Variants in DNMT3B observed in about 807,000 individuals in gnomAD.
The protein encoded by DNMT3B is DNA methyltransferase 3 beta.
DNMT3B carries 37 observed loss-of-function variants against 120.2 expected under a neutral mutation model. That is an observed-to-expected ratio of 0.31 (90% CI 0.24 to 0.40). The LOEUF is 0.40. DNMT3B is among the 10% of genes least tolerant of loss of function. The probability of loss-of-function intolerance (pLI) is 1.00; values close to 1 mark genes in which losing one functional copy is unlikely to be tolerated. For synonymous variants in DNMT3B, 412 were observed against 442.8 expected, an observed-to-expected ratio of 0.93 and a Z score of 0.87; for missense variants, 878 against 1,137.3, an observed-to-expected ratio of 0.77 and a Z score of 3.28.
At chr20:32,769,157 T>C (rs1987565040) in intron 1 of DNMT3B, among the ~76,000 whole-genome samples, 1 of 151,940 alleles carries the variant, frequency 6.6e-6, no homozygotes, top group African/African-American at 2.4e-5. Flanking sequence ...AGATCTCGGC[T>C]CACTGCAAGC....
intron 1 of DNMT3B, among the ~76,000 whole-genome samples, chr20:32,770,785 T>A (rs1601050069): frequency 6.6e-6 from 1 of 152,264 alleles, no homozygotes; most frequent in South Asian, 2.1e-4. Context: ...GCTAATTTTG[T>A]ATTTTTAGTG....
chr20:32,795,441 T>C lies in DNMT3B; in HGVS notation c.1159T>C (p.Ser387Pro), dbSNP rs768839073. The change falls in exon 11 of 23, where the codon TCA (serine) becomes CCA (proline). Residue 387 changes from serine to proline, a missense_variant. Ser to Pro is a moderately conservative substitution (Grantham distance 74). Coordinates refer to ENST00000328111, the MANE Select transcript of DNMT3B (RefSeq NM_006892.4). Reference protein sequence around the residue: ...NKTRRRTADDSATSDYCPAPK... With the variant: ...NKTRRRTADDPATSDYCPAPK... The stretch of plus-strand genomic sequence containing the variant: ...GACTCGAAGACGCACAGCTGACGAC[T>C]CAGCCACCTCTGACTACTGCCCCGC... The C allele has an allele frequency of 4.3e-6, 7 of 1,614,014 alleles. No homozygotes were observed. Among genetic ancestry groups the C allele is most frequent in the Admixed American group, 1.7e-5 (1 of 59,990 alleles).
At chr20:32,791,824 G>A in intron 8 of DNMT3B, 116 bp downstream of exon 8, 2 of 1,108,706 alleles carry the variant, frequency 1.8e-6, no homozygotes, top group Admixed American at 2.0e-5. Context: ...GGGTGGCCAG[G>A]GAGGAGGTAA....
At chr20:32,798,382 C>A in intron 14 of DNMT3B, 78 bp from the exon 15 acceptor site, 2 of 1,582,080 alleles carry the variant, frequency 1.3e-6, no homozygotes, top group Non-Finnish European at 1.7e-6. Flanking sequence ...GTTGGCATTT[C>A]CCTGTGGAAG....
Position 32,784,164 on chromosome 20 carries a change from G to T in DNMT3B, c.205-594G>T, listed in dbSNP as rs112259164. Among the ~76,000 whole-genome samples, 34 of 152,068 alleles carry T rather than the reference G, an allele frequency of 2.2e-4. 1 individual carries two copies. The highest frequency in any genetic ancestry group is 3.7e-4 in the Non-Finnish European group (25 of 68,022). On this transcript the variant is annotated intron_variant, in intron 3 of 22. Transcript: ENST00000328111. Reference sequence around the variant, plus strand: ...ACTCCTGACCTCAGGTGATCCACCCGCGTCGGCCTCCCAAAGTGTTGGGAT... The same window carrying T: ...ACTCCTGACCTCAGGTGATCCACCCTCGTCGGCCTCCCAAAGTGTTGGGAT...
chr20:32,775,263 CA>C (rs1329740322), intron 1 of DNMT3B, among the ~76,000 whole-genome samples: 1 of 152,206 alleles, frequency 6.6e-6, no homozygotes, highest in Non-Finnish European at 1.5e-5. Context: ...TTTTTTACTG[CA>C]CCCCAGGGGT....
At chr20:32,780,881 C>T (rs569123121) in intron 2 of DNMT3B, among the ~76,000 whole-genome samples, 7 of 152,290 alleles carry the variant, frequency 4.6e-5, no homozygotes, top group East Asian at 1.9e-4. Flanking sequence ...CTTGGGATCC[C>T]GCCCCAGCTG....
At position 32,800,238 on chromosome 20, in the gene DNMT3B, C is replaced by G; in HGVS notation, c.1845C>G (p.Thr615=). 6.2e-7 allele frequency: 1 copy of G among 1,614,164 alleles called. No homozygotes were observed. Among genetic ancestry groups the G allele is most frequent in the Non-Finnish European group, 8.5e-7 (1 of 1,180,030 alleles). The change falls in exon 17 of 23, where the codon ACC becomes ACG. Residue 615 remains threonine (T), a synonymous_variant. Transcript: ENST00000328111. ...EVCEESIAVG[T]VKHEGNIKYV... is the part of the protein sequence containing the mutation. ...GTGAGGAGTCCATTGCTGTTGGAAC[C>G]GTGAAGCACGAGGGGAATATCAAAT...
intron 12 of DNMT3B, 76 bp downstream of exon 12, chr20:32,795,770 C>T: frequency 8.2e-6 from 13 of 1,581,442 alleles, no homozygotes; most frequent in Non-Finnish European, 1.1e-5. Context: ...CTGGCTCATC[C>T]ACCCTGTCAG....
intron 22 of DNMT3B, 33 bp downstream of exon 22, chr20:32,806,360 T>G (rs1163655493): frequency 6.2e-7 from 1 of 1,602,046 alleles, no homozygotes; most frequent in Admixed American, 1.7e-5. Flanking sequence ...AGGGAAACTG[T>G]GTAGATCAAA....
Position 32,798,508 on chromosome 20 carries a change from G to A in DNMT3B, c.1539G>A (p.Ala513=), listed in dbSNP as rs772289824. ...CLEVLVGTGT[A]AEAKLQEPWS... The stretch of plus-strand genomic sequence containing the variant: ...AGGTGCTGGTGGGCACAGGCACAGC[G>A]GCCGAGGCCAAGCTTCAGGAGCCCT... The change falls in exon 15 of 23, where the codon GCG becomes GCA. Residue 513 remains alanine, a synonymous_variant. Transcript: ENST00000328111. The A allele has an allele frequency of 5.0e-6, 8 of 1,614,104 alleles. No homozygotes were observed. Among genetic ancestry groups the A allele is most frequent in the East Asian group, 2.2e-5 (1 of 44,890 alleles).
rs1052004594 is a variant in DNMT3B at position 32,809,078 on chromosome 20, G to C, written c.*1175G>C. ...GCATTTCAGAAATGCTGTCATAATG[G>C]TTTTTAACACCTTTTACTCTTCTTA... On this transcript the variant is annotated 3_prime_UTR_variant, in exon 23 of 23. Transcript: ENST00000328111. 1 of 216,634 alleles carries C rather than the reference G, an allele frequency of 4.6e-6. No homozygotes were observed. Among genetic ancestry groups the C allele is most frequent in the African/African-American group, 2.3e-5 (1 of 44,394 alleles). The allele number at this position is 216,634 out of a possible 1,614,324, so 13.4% of individuals were successfully genotyped here. A position where few individuals can be genotyped will look rare whatever the true frequency, so the allele number is the denominator to read the frequency against.
At chr20:32,767,237 T>C (rs1056648566) in intron 1 of DNMT3B, among the ~76,000 whole-genome samples, 4 of 152,094 alleles carry the variant, frequency 2.6e-5, no homozygotes, top group Admixed American at 6.6e-5. Context: ...GTTTTATGGG[T>C]ACAACATCAT....
intron 4 of DNMT3B, 93 bp from the exon 5 acceptor site, chr20:32,786,409 C>G (rs1197138891): frequency 7.5e-6 from 12 of 1,590,452 alleles, no homozygotes; most frequent in Non-Finnish European, 9.4e-6. Flanking sequence ...TACCAGGTCT[C>G]CTTGGCCACC....
At chr20:32,784,064 A>G (rs1978960191) in intron 3 of DNMT3B, among the ~76,000 whole-genome samples, 1 of 152,114 alleles carries the variant, frequency 6.6e-6, no homozygotes, top group Non-Finnish European at 1.5e-5. Flanking sequence ...TTACAGGCAC[A>G]TGCCACCATG....
chr20:32,771,465 A>G (rs1469068024), intron 1 of DNMT3B, among the ~76,000 whole-genome samples: 1 of 151,934 alleles, frequency 6.6e-6, no homozygotes, highest in Non-Finnish European at 1.5e-5. Flanking sequence ...GCATACTGAA[A>G]CCCTATCTCT....
chr20:32,789,982 A>AG (rs1568843537), intron 7 of DNMT3B, among the ~76,000 whole-genome samples: 3 of 152,216 alleles, frequency 2.0e-5, no homozygotes, highest in African/African-American at 7.2e-5. Context: ...AGAGAGGCTA[A>AG]GTTAGGTGCC....
In DNMT3B at chr20:32,798,595, G is replaced by C. The variant is rs1227641097; in HGVS notation, c.1626G>C (p.Trp542Cys). Reference sequence around the variant, plus strand: ...GCGTCCTGCGGCGCCGGAAGGACTGGAACGTGCGCCTGCAGGCCTTCTTCA... The same window carrying C: ...GCGTCCTGCGGCGCCGGAAGGACTGCAACGTGCGCCTGCAGGCCTTCTTCA... The part of the protein sequence containing the change: ...CHGVLRRRKD[W>C]NVRLQAFFTS... Residue 542 changes from tryptophan (W) to cysteine (C), a missense_variant, in exon 15 of 23, where the codon TGG becomes TGC. By Grantham distance (215) the Trp-to-Cys change is radical. Around this residue, in one of 4 missense-constraint regions of DNMT3B, gnomAD observed 334 missense variants for 518.8 expected, o/e 0.64. Transcript: ENST00000328111. 6 of 1,614,232 alleles carry C rather than the reference G, an allele frequency of 3.7e-6. No individual in the cohort carries two copies. The Admixed American group carries it at 8.3e-5, about 22-fold the overall frequency.
intron 16 of DNMT3B, among the ~76,000 whole-genome samples, chr20:32,799,782 C>T (rs970143174): frequency 1.3e-5 from 2 of 152,172 alleles, no homozygotes; most frequent in South Asian, 2.1e-4. Context: ...CATCCCAAAC[C>T]GCTGGGATTA....
Sources: allele counts gnomAD v4.1 joint callset (sites outside exome capture counted in the v4.1 genomes callset), GRCh38; gene constraint gnomAD v4.1.1; regional missense constraint gnomAD v4.1.1; transcripts MANE v1.5; gene names NCBI Gene and HGNC (gene_info 2026-07-23, HGNC 2026-07-21).